Variants in FAF1 observed in about 807,000 individuals in gnomAD.
FAF1 encodes Fas associated factor 1, also known as FAS-associated factor 1.
In FAF1, 25 loss-of-function variants were observed where a neutral mutation model predicts 92.5. That is an observed-to-expected ratio of 0.27 (90% confidence interval 0.20 to 0.38). The LOEUF (loss-of-function observed/expected upper bound fraction) is 0.38, where lower values mean the gene tolerates loss of function less well. FAF1 is among the 10% of genes least tolerant of loss of function. The pLI is 1.00. For synonymous variants in FAF1, 234 were observed against 273.2 expected, an observed-to-expected ratio of 0.86 and a Z score of 1.42; for missense variants, 636 against 793.3, an observed-to-expected ratio of 0.80 and a Z score of 2.38.
intron 2 of FAF1, among the ~76,000 whole-genome samples, chr1:50,826,065 A>G: frequency 6.6e-6 from 1 of 152,244 alleles, no homozygotes; most frequent in East Asian, 1.9e-4. Context: ...ATTAAGTATG[A>G]AGACTTCAAG....
At chr1:50,547,884 C>A (rs541455764) in intron 13 of FAF1, among the ~76,000 whole-genome samples, 2 of 152,100 alleles carry the variant, frequency 1.3e-5, no homozygotes, top group Non-Finnish European at 2.9e-5. Context: ...TTGGCTTTTT[C>A]TTACCACTAA....
Position 50,744,751 on chromosome 1 carries a change from T to C in FAF1, c.392A>G (p.Asn131Ser). 1 of 1,607,254 alleles carries C rather than the reference T, an allele frequency of 6.2e-7. No homozygotes were observed. Among genetic ancestry groups the C allele is most frequent in the South Asian group, 1.1e-5 (1 of 90,392 alleles). ...TTTGGACACAGGTATCTGAAGTTCA[T>C]TTTCTAGAATCTGTTTAATCTCTCC... ...TVGEIKQILE[N>S]ELQIPVSKML... is the part of the protein sequence containing the mutation. The change falls in exon 5 of 19, where the codon AAT (asparagine) becomes AGT (serine). Residue 131 changes from asparagine to serine, a missense_variant. Transcript: ENST00000396153.
chr1:50,846,845 A>T (rs1644305879), intron 2 of FAF1: 2 of 586,824 alleles, frequency 3.4e-6, no homozygotes, highest in Admixed American at 2.3e-5. Context: ...AGAAGTGAGA[A>T]GATTCACCAG....
At chr1:50,813,715 G>T (rs1643939469) in intron 2 of FAF1, among the ~76,000 whole-genome samples, 1 of 151,852 alleles carries the variant, frequency 6.6e-6, no homozygotes, top group African/African-American at 2.4e-5. Context: ...CTCTCGCCTT[G>T]ACCTCCCAAA....
At chr1:50,563,728 A>T (rs1650039018) in intron 13 of FAF1, among the ~76,000 whole-genome samples, 1 of 152,230 alleles carries the variant, frequency 6.6e-6, no homozygotes. Context: ...TCAGGAGATC[A>T]CAATTTAGCA....
intron 8 of FAF1, among the ~76,000 whole-genome samples, chr1:50,633,204 G>A (rs1653866501): frequency 6.6e-6 from 1 of 152,174 alleles, no homozygotes; most frequent in Admixed American, 6.5e-5. Flanking sequence ...GAAGTTGGGT[G>A]CATTTACTTA....
chr1:50,671,552 T>C (rs1228385068), intron 7 of FAF1, among the ~76,000 whole-genome samples: 1 of 152,220 alleles, frequency 6.6e-6, no homozygotes, highest in Non-Finnish European at 1.5e-5. Context: ...TAATGTTAAC[T>C]ATATACCTGG....
At chr1:50,588,230 T>C (rs1250439292) in intron 9 of FAF1, among the ~76,000 whole-genome samples, 1 of 152,222 alleles carries the variant, frequency 6.6e-6, no homozygotes. Flanking sequence ...GAAGTTGCAG[T>C]ACGTGCCACT....
chr1:50,679,642 T>G (rs1460685406), intron 7 of FAF1, among the ~76,000 whole-genome samples: 1 of 152,132 alleles, frequency 6.6e-6, no homozygotes, highest in African/African-American at 2.4e-5. Context: ...CATCTTTCAT[T>G]CCCCTGAATC....
rs543997720 is a variant in FAF1, at chr1:50,523,760, T to A, written c.1494+11609A>T. 7.9e-4 allele frequency among the ~76,000 whole-genome samples: 120 copies of A among 152,344 alleles called. 1 individual carries two copies. Among genetic ancestry groups the A allele is most frequent in the Middle Eastern group, 6.8e-3 (2 of 294 alleles). Reference sequence around the variant, plus strand: ...TGGATGTATAGTACTCCATGGTGTATATATACCACATTTTCTTTATCTAGT... The same window carrying A: ...TGGATGTATAGTACTCCATGGTGTAAATATACCACATTTTCTTTATCTAGT... On this transcript the variant is annotated intron_variant, in intron 15 of 18. Transcript: ENST00000396153.
chr1:50,874,868 C>T (rs1376093842), intron 1 of FAF1, among the ~76,000 whole-genome samples: 3 of 140,628 alleles, frequency 2.1e-5, no homozygotes, highest in African/African-American at 8.0e-5. Context: ...CTCCCGAGCT[C>T]AAGCAGTTCT....
chr1:50,786,751 G>C (rs967194667), intron 4 of FAF1, among the ~76,000 whole-genome samples: 27 of 152,296 alleles, frequency 1.8e-4, no homozygotes, highest in African/African-American at 6.0e-4. Context: ...TATGGCATAG[G>C]CATAGTGAAC....
intron 8 of FAF1, among the ~76,000 whole-genome samples, chr1:50,632,379 T>G (rs565570453): frequency 6.6e-6 from 1 of 152,322 alleles, no homozygotes; most frequent in East Asian, 1.9e-4. Context: ...TCAAGATAAC[T>G]GATTGGCTTT....
intron 7 of FAF1, among the ~76,000 whole-genome samples, chr1:50,705,340 C>G (rs185301457): frequency 3.0e-4 from 46 of 152,238 alleles, no homozygotes; most frequent in Non-Finnish European, 5.6e-4. Flanking sequence ...GGCATACTGC[C>G]CAAGGGCAGG....
At chr1:50,623,226 G>C (rs1252201396) in intron 8 of FAF1, among the ~76,000 whole-genome samples, 1 of 152,082 alleles carries the variant, frequency 6.6e-6, no homozygotes, top group Non-Finnish European at 1.5e-5. Flanking sequence ...GTGGCATTTG[G>C]GAGACAATCT....
intron 15 of FAF1, among the ~76,000 whole-genome samples, chr1:50,535,115 C>T (rs189444299): frequency 7.9e-5 from 12 of 152,188 alleles, no homozygotes; most frequent in African/African-American, 2.2e-4. Flanking sequence ...TCTTGCAAAT[C>T]GACTTCCTGT....
chr1:50,863,057 T>C (rs1644449032), intron 1 of FAF1, among the ~76,000 whole-genome samples: 1 of 151,988 alleles, frequency 6.6e-6, no homozygotes, highest in Admixed American at 6.6e-5. Flanking sequence ...AACTGCAGAA[T>C]ATACATTCTA....
In FAF1 at chr1:50,491,782, T is replaced by G. The variant is rs1557967528; in HGVS notation, c.1514A>C (p.Glu505Ala). 6.2e-7 allele frequency: 1 copy of G among 1,612,512 alleles called. No homozygotes were observed. The highest frequency in any genetic ancestry group is 8.5e-7 in the Non-Finnish European group (1 of 1,179,362). ...IKDEDEREAR[E>A]NVKREQDEAY... ...CTCATCTTGCTCTCTCTTCACATTT[T>G]CTCTGGCTTCACGTTCATCCTTAAA... The change falls in exon 16 of 19, where the codon GAA becomes GCA. Residue 505 changes from glutamate to alanine, a missense_variant. Glu to Ala is a moderately radical substitution (Grantham distance 107). Transcript: ENST00000396153.
intron 2 of FAF1, among the ~76,000 whole-genome samples, chr1:50,805,065 T>C (rs1431736973): frequency 1.3e-5 from 2 of 152,246 alleles, no homozygotes; most frequent in Non-Finnish European, 2.9e-5. Context: ...GCTAGGAAGA[T>C]ATTATATCTC....
Sources: gnomAD v4.1 joint callset for allele counts (sites outside exome capture counted in the v4.1 genomes callset) on GRCh38, gnomAD v4.1.1 for gene constraint, MANE v1.5 for transcripts, NCBI Gene and HGNC (gene_info 2026-07-23, HGNC 2026-07-21) for gene names.